NTRK2: variants seen among roughly 807,000 people sequenced by gnomAD.
The protein encoded by NTRK2 is BDNF/NT-3 growth factors receptor.
In NTRK2, 13 loss-of-function variants were observed where a neutral mutation model predicts 94.5. The ratio of observed to expected loss-of-function variants is 0.14; its 90% CI spans 0.09 to 0.22. The LOEUF is 0.22. NTRK2 is among the 10% of genes least tolerant of loss of function. The pLI is 1.00. For missense variants in NTRK2, 639 were observed against 1,071.2 expected (o/e 0.60, Z 5.63); for synonymous variants, 372 against 407.4 (o/e 0.91, Z 1.05).
chr9:85,013,111 G>A (rs1397640872), intron 17 of NTRK2, among the ~76,000 whole-genome samples: 1 of 152,166 alleles, frequency 6.6e-6, no homozygotes, highest in Non-Finnish European at 1.5e-5. Flanking sequence ...GCCCTGAGCT[G>A]TGTTCATTCC....
At chr9:84,788,519 C>A (rs2068367472) in intron 12 of NTRK2, among the ~76,000 whole-genome samples, 1 of 152,036 alleles carries the variant, frequency 6.6e-6, no homozygotes, top group Non-Finnish European at 1.5e-5. Flanking sequence ...GTCCTAGAGA[C>A]CAGAGCTTGC....
chr9:84,976,737 A>G (rs1412483941), intron 17 of NTRK2, among the ~76,000 whole-genome samples: 1 of 152,168 alleles, frequency 6.6e-6, no homozygotes, highest in Non-Finnish European at 1.5e-5. Context: ...CAAAAAAAAA[A>G]CTATAAACAC....
At chr9:84,982,741 C>G (rs931338284) in intron 17 of NTRK2, among the ~76,000 whole-genome samples, 8 of 152,204 alleles carry the variant, frequency 5.3e-5, no homozygotes, top group African/African-American at 1.9e-4. Context: ...GGGATGACAA[C>G]TGTTTGACGT....
At chr9:84,814,936 G>T (rs2072227754) in intron 12 of NTRK2, 10 of 1,059,866 alleles carry the variant, frequency 9.4e-6, no homozygotes, top group Non-Finnish European at 1.1e-5. Context: ...TCACATGCCT[G>T]TAGTACCTGC....
chr9:84,912,611 CTTTTTTTTTT>C (rs1212242779), intron 14 of NTRK2, among the ~76,000 whole-genome samples: 1 of 95,244 alleles, frequency 1.0e-5, no homozygotes, highest in Non-Finnish European at 2.0e-5. Flanking sequence ...TTTGACTTGC[CTTTTTTTTTT>C]TTTTTTTTTT....
chr9:85,012,092 G>A (rs1405502274), intron 17 of NTRK2, among the ~76,000 whole-genome samples: 18 of 151,652 alleles, frequency 1.2e-4, no homozygotes, highest in African/African-American at 7.3e-5. Flanking sequence ...AGGTTCAAGC[G>A]ATTCTCCTGC....
intron 17 of NTRK2, 130 bp from the exon 18 acceptor site, chr9:85,020,076 C>G: frequency 1.0e-6 from 1 of 961,104 alleles, no homozygotes; most frequent in East Asian, 2.4e-5. Flanking sequence ...GTCATATATC[C>G]TTTATGTGTT....
chr9:84,918,010 G>A (rs1257457047), intron 14 of NTRK2, among the ~76,000 whole-genome samples: 1 of 152,220 alleles, frequency 6.6e-6, no homozygotes, highest in African/African-American at 2.4e-5. Context: ...AGAATGGAAA[G>A]CACAGCACTG....
intron 14 of NTRK2, among the ~76,000 whole-genome samples, chr9:84,911,385 T>C (rs540253979): frequency 5.1e-4 from 78 of 152,296 alleles, no homozygotes; most frequent in African/African-American, 1.8e-3. Context: ...GGTAGAATTC[T>C]CTAGTGAAAC....
At chr9:84,861,373 G>A (rs192863410) in intron 13 of NTRK2, among the ~76,000 whole-genome samples, 191 of 152,278 alleles carry the variant, frequency 1.3e-3, no homozygotes, top group Non-Finnish European at 2.3e-3. Context: ...TTTTTAAGAA[G>A]GTTAAGGAAA....
intron 14 of NTRK2, among the ~76,000 whole-genome samples, chr9:84,885,794 G>A (rs780952770): frequency 3.9e-5 from 6 of 152,282 alleles, no homozygotes; most frequent in South Asian, 2.1e-4. Context: ...TTGGGAGGCC[G>A]AGGCAGGCGG....
chr9:84,834,453 C>A (rs948438740), intron 12 of NTRK2, among the ~76,000 whole-genome samples: 7 of 152,066 alleles, frequency 4.6e-5, no homozygotes, highest in African/African-American at 1.4e-4. Flanking sequence ...AAGTGTTAGT[C>A]CCCCTTTCTT....
chr9:84,710,869 T>G, intron 6 of NTRK2, 78 bp downstream of exon 6: 12 of 1,398,464 alleles, frequency 8.6e-6, no homozygotes, highest in Non-Finnish European at 1.1e-5. Context: ...CTGGGAAAAT[T>G]ACCACTACCT....
At chr9:84,772,437 A>G (rs962943526) in intron 12 of NTRK2, among the ~76,000 whole-genome samples, 1 of 152,132 alleles carries the variant, frequency 6.6e-6, no homozygotes, top group Non-Finnish European at 1.5e-5. Flanking sequence ...TAGTAGAGGC[A>G]GGGTTTCACC....
At chr9:84,900,750 A>G (rs989122552) in intron 14 of NTRK2, among the ~76,000 whole-genome samples, 1 of 152,220 alleles carries the variant, frequency 6.6e-6, no homozygotes, top group East Asian at 1.9e-4. Context: ...TTCTCAGATA[A>G]CAGGGACAGT....
At position 84,702,218 on chromosome 9, in the gene NTRK2, T is replaced by G; in HGVS notation, c.272T>G (p.Val91Gly). The G allele has an allele frequency of 6.2e-7, 1 of 1,614,196 alleles. No individual in the cohort carries two copies. The highest frequency in any genetic ancestry group is 8.5e-7 in the Non-Finnish European group (1 of 1,180,000). The stretch of plus-strand genomic sequence containing the variant: ...AACGAAGATGATGTTGAAGCTTATG[T>G]GGGACTGAGAAATCTGTGAGTACTC... Reference protein sequence around the residue: ...IINEDDVEAYVGLRNLTIVDS... With the variant: ...IINEDDVEAYGGLRNLTIVDS... The change falls in exon 3 of 19, where the codon GTG (valine) becomes GGG (glycine). Residue 91 changes from valine to glycine, a missense_variant. By Grantham distance (109) the Val-to-Gly change is moderately radical. This residue lies in a region of NTRK2 where 206 missense variants were observed against 251.5 expected (regional missense o/e 0.82). Coordinates refer to ENST00000277120, the MANE Select transcript of NTRK2 (RefSeq NM_006180.6).
intron 8 of NTRK2, 131 bp from the exon 9 acceptor site, chr9:84,727,523 G>C: frequency 1.2e-6 from 1 of 861,210 alleles, no homozygotes; most frequent in Non-Finnish European, 1.9e-6. Context: ...ATGGATTCCA[G>C]AGTTTCTGAT....
chr9:84,977,755 A>T (rs1241297373), intron 17 of NTRK2, among the ~76,000 whole-genome samples: 1 of 152,204 alleles, frequency 6.6e-6, no homozygotes, highest in African/African-American at 2.4e-5. Flanking sequence ...GTATTTTTAC[A>T]AATTGAAGGT....
In NTRK2 at chr9:84,917,219, T is replaced by C. The variant is rs1483367300; in HGVS notation, c.1634-16943T>C. ...TGTACACCATCATACATTATGTAAG[T>C]GCATTTGACCCAAAATAAGTATTCC... On this transcript the variant is annotated intron_variant, in intron 14 of 18. Transcript: ENST00000277120. Among the ~76,000 whole-genome samples, 3 of 152,208 alleles carry C rather than the reference T, an allele frequency of 2.0e-5. No individual in the cohort carries two copies. The East Asian group carries it at 5.8e-4, about 29-fold the overall frequency.
Sources: gnomAD v4.1 joint callset for allele counts (sites outside exome capture counted in the v4.1 genomes callset) on GRCh38, gnomAD v4.1.1 for gene constraint, gnomAD v4.1.1 regional missense constraint, MANE v1.5 for transcripts, NCBI Gene and HGNC (gene_info 2026-07-23, HGNC 2026-07-21) for gene names.